ADAM9: variants seen among roughly 807,000 people sequenced by gnomAD.
ADAM9 encodes disintegrin and metalloproteinase domain-containing protein 9.
ADAM9 carries 54 observed loss-of-function variants against 108.1 expected under a neutral mutation model. The ratio of observed to expected loss-of-function variants is 0.50; its 90% confidence interval spans 0.40 to 0.63. The LOEUF is 0.63. Among genes scored for constraint, ADAM9 ranks in the 20% least tolerant of loss-of-function variants. The pLI is 0.00. For missense variants in ADAM9, 830 were observed against 997.7 expected (o/e 0.83, Z 2.26); for synonymous variants, 316 against 336.0 (o/e 0.94, Z 0.65).
At chr8:38,998,985 T>A (rs1835915195) in intron 1 of ADAM9, among the ~76,000 whole-genome samples, 3 of 151,974 alleles carry the variant, frequency 2.0e-5, no homozygotes, top group Admixed American at 2.0e-4. Context: ...TAATCTCATT[T>A]TCTGTTAAGA....
At chr8:39,014,293 G>T in intron 4 of ADAM9, 1 of 561,724 alleles carries the variant, frequency 1.8e-6, no homozygotes, top group Non-Finnish European at 3.1e-6. Flanking sequence ...TCTATTTAAT[G>T]GTAATCCTTA....
rs1564301507 is a variant in ADAM9 at position 39,045,406 on chromosome 8, ATGTGCGCGTG to A, written c.1302+3293_1302+3302del. On this transcript the variant is annotated intron_variant, in intron 12 of 21. Transcript: ENST00000487273. ...TATAGGTGTGTGTACACACACCTAT[ATGTGCGCGTG>A]TGTACACACACCTATATGTGCGCGT... is the stretch of plus-strand genomic sequence containing the variant. Among the ~76,000 whole-genome samples, 1,016 of 137,888 alleles carry A rather than the reference ATGTGCGCGTG, an allele frequency of 7.4e-3. 149 individuals are homozygous for A. The highest frequency in any genetic ancestry group is 0.023 in the East Asian group (111 of 4,764). 90.5% of individuals were successfully genotyped at this position (137,888 alleles called of 152,430 possible). A position where few individuals can be genotyped will look rare whatever the true frequency, so the allele number is the denominator to read the frequency against.
intron 14 of ADAM9, among the ~76,000 whole-genome samples, chr8:39,067,470 C>G (rs1376863854): frequency 6.6e-6 from 1 of 152,138 alleles, no homozygotes; most frequent in Admixed American, 6.5e-5. Context: ...TCCTTCACAT[C>G]CCTTGTAAGT....
chr8:39,045,206 ATG>A (rs1263666091), intron 12 of ADAM9, among the ~76,000 whole-genome samples: 3 of 94,532 alleles, frequency 3.2e-5, no homozygotes, highest in African/African-American at 6.5e-5. Flanking sequence ...ATGTGTATAT[ATG>A]TGTATACATA....
chr8:39,049,148 C>A (rs1837871627), intron 12 of ADAM9, among the ~76,000 whole-genome samples: 1 of 151,470 alleles, frequency 6.6e-6, no homozygotes, highest in Non-Finnish European at 1.5e-5. Flanking sequence ...CTTTTGCCTG[C>A]CCTTTCTTGC....
At chr8:39,047,334 T>G (rs1435935421) in intron 12 of ADAM9, among the ~76,000 whole-genome samples, 1 of 152,226 alleles carries the variant, frequency 6.6e-6, no homozygotes, top group Non-Finnish European at 1.5e-5. Context: ...AGTGGAATTT[T>G]CTCCTCCTCC....
In ADAM9 at chr8:39,091,257, A is replaced by G; in HGVS notation, c.2211-2A>G. 1.2e-6 allele frequency: 2 copies of G among 1,613,456 alleles called. No homozygotes were observed. The highest frequency in any genetic ancestry group is 1.7e-6 in the Non-Finnish European group (2 of 1,179,424). On this transcript the variant is annotated splice_acceptor_variant, in intron 19 of 21. Transcript: ENST00000487273. LOFTEE classifies it high-confidence loss of function. ...TAGATCAAAAGTAATTGTATCTTTC[A>G]GGTCAGATGGCAAAAATCAAGCAAA...
chr8:39,029,473 G>C (rs916741313), intron 11 of ADAM9, among the ~76,000 whole-genome samples: 1 of 152,330 alleles, frequency 6.6e-6, no homozygotes, highest in Non-Finnish European at 1.5e-5. Context: ...GTCCAGCTTA[G>C]TGGGAAAGCT....
At chr8:39,014,462 T>C (rs1335406130) in intron 4 of ADAM9, 2 of 672,268 alleles carry the variant, frequency 3.0e-6, no homozygotes, top group Non-Finnish European at 5.3e-6. Context: ...ATGTTCTAAA[T>C]TTTTTCTGAA....
At chr8:39,041,824 C>T in intron 11 of ADAM9, 122 bp from the exon 12 acceptor site, 1 of 878,320 alleles carries the variant, frequency 1.1e-6, no homozygotes, top group Admixed American at 2.3e-5. Flanking sequence ...TTTCTGTCCA[C>T]TTTTATTAGC....
intron 14 of ADAM9, 58 bp downstream of exon 14, chr8:39,055,830 A>G: frequency 6.6e-7 from 1 of 1,511,326 alleles, no homozygotes; most frequent in Non-Finnish European, 9.0e-7. Flanking sequence ...TGATTTAGAT[A>G]TTTTAAAAAA....
intron 8 of ADAM9, among the ~76,000 whole-genome samples, chr8:39,022,745 G>T (rs768816746): frequency 5.9e-5 from 9 of 151,736 alleles, no homozygotes; most frequent in Non-Finnish European, 1.0e-4. Context: ...GATGAGTCTC[G>T]CTCTGTTGCC....
intron 12 of ADAM9, among the ~76,000 whole-genome samples, chr8:39,045,363 G>C (rs146465546): frequency 0.011 from 443 of 40,030 alleles, 29 homozygotes; most frequent in Admixed American, 0.014. Flanking sequence ...CATACATATA[G>C]GTGTGTGTAC....
At chr8:39,058,784 C>A (rs1838205253) in intron 14 of ADAM9, among the ~76,000 whole-genome samples, 1 of 152,120 alleles carries the variant, frequency 6.6e-6, no homozygotes, top group Non-Finnish European at 1.5e-5. Context: ...AGCATAAGGT[C>A]GTGGGAACAG....
chr8:39,018,917 G>A lies in ADAM9; in HGVS notation c.671G>A (p.Arg224Lys). 6.2e-7 allele frequency: 1 copy of A among 1,613,918 alleles called. No individual in the cohort carries two copies. The highest frequency in any genetic ancestry group is 8.5e-7 in the Non-Finnish European group (1 of 1,179,902). ...CTGTTCATTGTCGTAGACAAGGAAAGGGTAAGATTGGTGACAATTTTTCTT... is the reference window on the plus strand; with the variant it reads ...CTGTTCATTGTCGTAGACAAGGAAAAGGTAAGATTGGTGACAATTTTTCTT... ...VELFIVVDKE[R>K]YDMMGRNQTA... The change falls in exon 7 of 22, where the codon AGG (arginine) becomes AAG (lysine). Residue 224 changes from arginine to lysine, a missense_variant and splice_region_variant. Arg to Lys is a conservative substitution (Grantham distance 26). This residue lies in a region of ADAM9 where 381 missense variants were observed against 539.8 expected (regional missense o/e 0.71). Transcript: ENST00000487273.
At chr8:39,071,463 A>ATTT in intron 15 of ADAM9, 60 bp downstream of exon 15, 1 of 797,738 alleles carries the variant, frequency 1.3e-6, no homozygotes, top group African/African-American at 2.4e-5. Flanking sequence ...CATCTCTAGT[A>ATTT]TCTTTTTTTT....
intron 4 of ADAM9, chr8:39,014,292 T>C: frequency 3.5e-6 from 2 of 566,814 alleles, no homozygotes; most frequent in South Asian, 2.5e-5. Flanking sequence ...TTCTATTTAA[T>C]GGTAATCCTT....
rs1554579176 is a variant in ADAM9, at chr8:39,045,385, G to GTGCGTGTGTGTACACACCTATATGTGC, written c.1302+3268_1302+3269insTGCGTGTGTGTACACACCTATATGTGC. On this transcript the variant is annotated intron_variant, in intron 12 of 21. Coordinates refer to ENST00000487273, the MANE Select transcript of ADAM9 (RefSeq NM_003816.3). ...ATAGGTGTGTGTACATACACCTATAGGTGTGTGTACACACACCTATATGTG... is the reference window on the plus strand; with the variant it reads ...ATAGGTGTGTGTACATACACCTATAGTGCGTGTGTGTACACACCTATATGTGCGTGTGTGTACACACACCTATATGTG... 6.3e-4 allele frequency among the ~76,000 whole-genome samples: 10 copies of GTGCGTGTGTGTACACACCTATATGTGC among 15,958 alleles called. 2 individuals carry two copies. The highest frequency in any genetic ancestry group is 9.6e-4 in the African/African-American group (4 of 4,178). 10.5% of individuals were successfully genotyped at this position (15,958 alleles called of 152,430 possible). A position where few individuals can be genotyped will look rare whatever the true frequency, so the allele number is the denominator to read the frequency against.
At chr8:39,060,358 G>C (rs927918719) in intron 14 of ADAM9, among the ~76,000 whole-genome samples, 1 of 152,234 alleles carries the variant, frequency 6.6e-6, no homozygotes, top group Non-Finnish European at 1.5e-5. Context: ...TTGCCTGACA[G>C]CCTGGACCTA....
Sources: allele counts gnomAD v4.1 joint callset (sites outside exome capture counted in the v4.1 genomes callset), GRCh38; gene constraint gnomAD v4.1.1; regional missense constraint gnomAD v4.1.1; transcripts MANE v1.5; gene names NCBI Gene and HGNC (gene_info 2026-07-23, HGNC 2026-07-21).